USP28: variants seen among roughly 807,000 people sequenced by gnomAD.
USP28 encodes ubiquitin specific peptidase 28.
A neutral mutation model predicts 145.0 loss-of-function variants in USP28; 113 were observed. That is an observed-to-expected ratio of 0.78 (90% CI 0.67 to 0.91). USP28 has a LOEUF of 0.91. Ranked by LOEUF, USP28 falls within the 40% of genes least tolerant of loss-of-function variation. USP28 has a pLI of 0.00. For missense variants in USP28, 1,201 were observed against 1,289.6 expected (o/e 0.93, Z 1.05); for synonymous variants, 447 against 450.9 (o/e 0.99, Z 0.11).
At chr11:113,806,569 C>A (rs749735103) in exon 19 of USP28, 2 of 1,584,084 alleles carry the variant, frequency 1.3e-6, no homozygotes, top group African/African-American at 2.7e-5. Flanking sequence ...CCTTGCATGG[C>A]AGGGCTCAGC....
In USP28 at chr11:113,836,524, T is replaced by C. The variant is rs112931087; in HGVS notation, c.535-2189A>G. On this transcript the variant is annotated intron_variant, in intron 5 of 24. Coordinates refer to ENST00000003302, the Ensembl canonical transcript of USP28. ...TCCCGATTCACTGAAGACTGTCATCTAGTAACAGCTTTCCTCACTCTCCCA... is the reference window on the plus strand; with the variant it reads ...TCCCGATTCACTGAAGACTGTCATCCAGTAACAGCTTTCCTCACTCTCCCA... Among the ~76,000 whole-genome samples the C allele has an allele frequency of 8.0e-3, 1,216 of 152,306 alleles. 19 individuals are homozygous for C. Among genetic ancestry groups the C allele is most frequent in the African/African-American group, 0.028 (1,174 of 41,564 alleles).
exon 6 of USP28, chr11:113,834,278 T>C (rs1944330775): frequency 6.2e-7 from 1 of 1,611,920 alleles, no homozygotes; most frequent in African/African-American, 1.3e-5. Context: ...TCAAGTACAT[T>C]TTGTGGCAGA....
chr11:113,871,719 G>A (rs12420194), intron 1 of USP28, among the ~76,000 whole-genome samples: 5,395 of 152,270 alleles, frequency 0.035, 441 homozygotes, highest in East Asian at 0.3. Flanking sequence ...ACAGAAGGCA[G>A]GGAGCTCTTT....
intron 19 of USP28, 137 bp from the exon 21 acceptor site, chr11:113,805,183 T>A: frequency 1.3e-6 from 1 of 787,226 alleles, no homozygotes; most frequent in Non-Finnish European, 1.9e-6. Context: ...CAAAAACAAC[T>A]ATGGAATTTT....
intron 3 of USP28, among the ~76,000 whole-genome samples, chr11:113,851,356 C>T (rs1407024479): frequency 6.6e-6 from 1 of 152,242 alleles, no homozygotes; most frequent in African/African-American, 2.4e-5. Flanking sequence ...CCACCTCCTT[C>T]TCTTTCCATG....
intron 1 of USP28, among the ~76,000 whole-genome samples, chr11:113,865,917 C>T (rs563602845): frequency 2.6e-5 from 4 of 152,172 alleles, no homozygotes; most frequent in African/African-American, 7.2e-5. Flanking sequence ...TACTTTTCTG[C>T]ATCAAAGGGC....
exon 1 of USP28, chr11:113,875,511 G>A (rs1413499736): frequency 2.4e-5 from 28 of 1,163,762 alleles, no homozygotes; most frequent in Admixed American, 4.8e-5. Context: ...TGGCCGAGGC[G>A]CCCAGCCGCG....
intron 1 of USP28, among the ~76,000 whole-genome samples, chr11:113,856,641 AAGAT>A (rs1474734808): frequency 3.3e-5 from 5 of 152,202 alleles, no homozygotes; most frequent in African/African-American, 9.7e-5. Context: ...AGAAGACAAA[AAGAT>A]AGGCAAGAAT....
exon 17 of USP28, chr11:113,809,194 T>C (rs1211564299): frequency 1.9e-6 from 3 of 1,614,230 alleles, no homozygotes; most frequent in Admixed American, 1.7e-5. Flanking sequence ...AATGTAATGC[T>C]TGAGTTCCAC....
intron 16 of USP28, 88 bp from the exon 17 acceptor site, chr11:113,809,342 A>G (rs1940582031): frequency 7.8e-7 from 1 of 1,285,182 alleles, no homozygotes; most frequent in South Asian, 1.4e-5. Context: ...TTTCATCTTT[A>G]TCTTACTCCT....
intron 5 of USP28, among the ~76,000 whole-genome samples, chr11:113,840,276 C>T (rs1465545932): frequency 6.6e-6 from 1 of 152,192 alleles, no homozygotes; most frequent in East Asian, 1.9e-4. Context: ...CTACTCCAGG[C>T]CACCACTGTC....
chr11:113,874,988 G>T, intron 1 of USP28: 1 of 898,828 alleles, frequency 1.1e-6, no homozygotes, highest in Non-Finnish European at 1.3e-6. Context: ...TATAGAAGAC[G>T]GTGATTAATT....
At position 113,846,171 on chromosome 11, in the gene USP28, G is replaced by A. The variant is rs189948282; in HGVS notation, c.269-4403C>T. On this transcript the variant is annotated intron_variant, in intron 3 of 24. Transcript: ENST00000003302. ...GAGATAAAGAGTAGAATGGAGGACA[G>A]AAAAAATGGGGGTTACTATTCAACG... Among the ~76,000 whole-genome samples the A allele has an allele frequency of 6.2e-3, 940 of 152,212 alleles. 3 individuals carry two copies. Among genetic ancestry groups the A allele is most frequent in the Middle Eastern group, 0.027 (8 of 294 alleles).
exon 8 of USP28, chr11:113,831,966 G>A (rs1944039788): frequency 6.2e-7 from 1 of 1,613,770 alleles, no homozygotes; most frequent in Admixed American, 1.7e-5. Context: ...CAATCCAGGA[G>A]CTTGTGTGTG....
chr11:113,808,412 C>A (rs368028613), exon 18 of USP28: 3 of 1,613,900 alleles, frequency 1.9e-6, no homozygotes, highest in African/African-American at 2.7e-5. Flanking sequence ...AGCAGCGAAC[C>A]CCATGAGAAG....
chr11:113,840,395 T>C (rs888115499), intron 5 of USP28, among the ~76,000 whole-genome samples: 1 of 152,232 alleles, frequency 6.6e-6, no homozygotes, highest in African/African-American at 2.4e-5. Flanking sequence ...CTATTCAATA[T>C]ATTTACAACC....
chr11:113,841,965 A>G (rs1183037346), intron 3 of USP28, among the ~76,000 whole-genome samples, 197 bp from the exon 4 acceptor site: 1 of 152,216 alleles, frequency 6.6e-6, no homozygotes, highest in Admixed American at 6.5e-5. Flanking sequence ...CACAGTACAG[A>G]AATAACAAGC....
chr11:113,839,739 G>A (rs557436169), intron 5 of USP28, among the ~76,000 whole-genome samples: 2 of 151,530 alleles, frequency 1.3e-5, no homozygotes, highest in East Asian at 2.0e-4. Context: ...AAAATTAGCC[G>A]GGTGGCCAGG....
chr11:113,831,388 T>C (rs138612151), intron 8 of USP28, among the ~76,000 whole-genome samples: 32 of 152,342 alleles, frequency 2.1e-4, no homozygotes, highest in African/African-American at 7.7e-4. Context: ...CCTTCTTAAA[T>C]TGCTACGTTG....
Sources: allele counts gnomAD v4.1 joint callset (sites outside exome capture counted in the v4.1 genomes callset), GRCh38; gene constraint gnomAD v4.1.1; transcripts MANE v1.5; gene names NCBI Gene and HGNC (gene_info 2026-07-23, HGNC 2026-07-21).